Variants in FCER2 observed in about 807,000 individuals in gnomAD.
FCER2 encodes the protein Fc epsilon receptor II.
FCER2 carries 38 observed loss-of-function variants against 49.7 expected under a neutral mutation model. That is an observed-to-expected ratio of 0.76 (90% CI 0.59 to 1.00). The LOEUF is 1.00. Among genes scored for constraint, FCER2 ranks in the 50% least tolerant of loss-of-function variants. FCER2 has a pLI of 0.00. For synonymous variants in FCER2, 163 were observed against 164.6 expected, an observed-to-expected ratio of 0.99 and a Z score of 0.07; for missense variants, 425 against 419.5, an observed-to-expected ratio of 1.01 and a Z score of -0.11.
In FCER2 at chr19:7,698,873, C is replaced by T; in HGVS notation, c.23-19G>A. ...TCGATCTCTGCCGGGGGTGGAGGGA[C>T]TGACTATGGGTGCAGGGTGAAGCTG... On this transcript the variant is annotated intron_variant, in intron 2 of 10. Transcript: ENST00000597921. 6.4e-7 allele frequency: 1 copy of T among 1,566,806 alleles called. No homozygotes were observed. Among genetic ancestry groups the T allele is most frequent in the Non-Finnish European group, 8.6e-7 (1 of 1,159,616 alleles).
At chr19:7,700,002 G>A in intron 1 of FCER2, 157 bp from the exon 2 acceptor site, 1 of 577,842 alleles carries the variant, frequency 1.7e-6, no homozygotes, top group Non-Finnish European at 3.1e-6. Flanking sequence ...AGACACAGCT[G>A]GTGTGGAGAG....
At chr19:7,689,769 G>A (rs1238609637) in intron 10 of FCER2, among the ~76,000 whole-genome samples, 4 of 152,082 alleles carry the variant, frequency 2.6e-5, no homozygotes, top group Admixed American at 1.3e-4. Context: ...ACAGGCGCCC[G>A]CCATCATGAC....
At position 7,694,180 on chromosome 19, in the gene FCER2, C is replaced by G. The variant is rs1394982337; in HGVS notation, c.469+2645G>C. Among the ~76,000 whole-genome samples, 3 of 152,164 alleles carry G rather than the reference C, an allele frequency of 2.0e-5. No homozygotes were observed. The East Asian group carries it at 5.8e-4, about 29-fold the overall frequency. Reference sequence around the variant, plus strand: ...CACCCATGAAATGGTAACCAGTACTCAGCCCTCTGGAGGTGCAGCGTTAAA... The same window carrying G: ...CACCCATGAAATGGTAACCAGTACTGAGCCCTCTGGAGGTGCAGCGTTAAA... On this transcript the variant is annotated intron_variant, in intron 8 of 10. Coordinates refer to ENST00000597921, the MANE Select transcript of FCER2 (RefSeq NM_001220500.2).
intron 8 of FCER2, among the ~76,000 whole-genome samples, chr19:7,693,316 T>C: frequency 6.6e-6 from 1 of 152,122 alleles, no homozygotes; most frequent in East Asian, 1.9e-4. Flanking sequence ...GCCAATGGGA[T>C]TGCAAGACTA....
intron 8 of FCER2, 138 bp from the exon 9 acceptor site, chr19:7,690,695 C>T (rs145960401): frequency 8.4e-4 from 666 of 796,510 alleles, no homozygotes; most frequent in Admixed American, 1.5e-3. Context: ...GCCTAACAGA[C>T]AGCCTCACGG....
chr19:7,698,807 T>C lies in FCER2; in HGVS notation c.70A>G (p.Ile24Val), dbSNP rs1401635789. 2.5e-6 allele frequency: 4 copies of C among 1,612,342 alleles called. No homozygotes were observed. Among genetic ancestry groups the C allele is most frequent in the South Asian group, 2.2e-5 (2 of 90,742 alleles). ...GCGGTCACCAGCCCCAGCAGCACGA[T>C]CTGAGTCCCACGCCTGCAACACCGC... is the stretch of plus-strand genomic sequence containing the variant. ...RRRCCRRGTQ[I>V]VLLGLVTAAL... Residue 24 changes from isoleucine (I) to valine (V), a missense_variant, in exon 3 of 11, where the codon ATC (isoleucine) becomes GTC (valine). By Grantham distance (29) the Ile-to-Val change is conservative. Coordinates refer to ENST00000597921, the MANE Select transcript of FCER2 (RefSeq NM_001220500.2).
intron 2 of FCER2, chr19:7,699,363 C>T: frequency 7.5e-7 from 1 of 1,326,494 alleles, no homozygotes; most frequent in Non-Finnish European, 9.9e-7. Context: ...AAGCCCCTGG[C>T]CCTCTGCACT....
intron 1 of FCER2, among the ~76,000 whole-genome samples, chr19:7,701,363 G>C (rs928339056): frequency 6.6e-6 from 1 of 152,170 alleles, no homozygotes; most frequent in African/African-American, 2.4e-5. Flanking sequence ...CAGCTGGACA[G>C]ACCTGAGTCC....
At chr19:7,692,993 C>A (rs529334621) in intron 8 of FCER2, among the ~76,000 whole-genome samples, 6 of 152,126 alleles carry the variant, frequency 3.9e-5, no homozygotes, top group African/African-American at 1.2e-4. Context: ...ACCAACAAAC[C>A]CCTCCAAGGT....
chr19:7,699,270 C>T (rs2033100045), intron 2 of FCER2: 12 of 623,286 alleles, frequency 1.9e-5, no homozygotes, highest in Admixed American at 5.3e-5. Context: ...ACTCCCCAGC[C>T]ACTTTCCCAG....
chr19:7,699,816 T>C lies in FCER2; in HGVS notation c.-56A>G, dbSNP rs2033115588. On this transcript the variant is annotated 5_prime_UTR_variant, in exon 2 of 11. Transcript: ENST00000597921. The stretch of plus-strand genomic sequence containing the variant: ...GAGCACTCACTCCCTGACAACGCAG[T>C]CCACTCAGCGGGCACAATCACAGCT... 3 of 1,567,178 alleles carry C rather than the reference T, an allele frequency of 1.9e-6. No homozygotes were observed. Among genetic ancestry groups the C allele is most frequent in the Admixed American group, 1.7e-5 (1 of 59,568 alleles).
chr19:7,689,743 T>C (rs62110715), intron 10 of FCER2, among the ~76,000 whole-genome samples: 59,831 of 151,854 alleles, frequency 0.39, 14,368 homozygotes, highest in African/African-American at 0.68. Context: ...CCTCAGCCTC[T>C]CAAATAGCTG....
chr19:7,700,603 C>A (rs989972646), intron 1 of FCER2, among the ~76,000 whole-genome samples: 5 of 152,072 alleles, frequency 3.3e-5, no homozygotes, highest in African/African-American at 1.2e-4. Context: ...CCACCTCCAC[C>A]TCCTGGGTTC....
rs780470543 is a variant in FCER2 at position 7,697,512 on chromosome 19, C to T, written c.253+15G>A. 57 of 1,611,436 alleles carry T rather than the reference C, an allele frequency of 3.5e-5. No individual in the cohort carries two copies. The Admixed American group carries it at 9.3e-4, about 26-fold the overall frequency. On this transcript the variant is annotated intron_variant, in intron 5 of 10. Transcript: ENST00000597921. ...CGCTTTTTCCCCTGCAACCCCAACTCCAGGAGTCACTCACACTGGGATTTC... is the reference window on the plus strand; with the variant it reads ...CGCTTTTTCCCCTGCAACCCCAACTTCAGGAGTCACTCACACTGGGATTTC...
intron 8 of FCER2, among the ~76,000 whole-genome samples, chr19:7,694,200 G>A (rs942003445): frequency 1.9e-4 from 29 of 152,134 alleles, no homozygotes; most frequent in Admixed American, 1.4e-3. Flanking sequence ...GAGGTGCAGC[G>A]TTAAAACAGG....
intron 9 of FCER2, 36 bp downstream of exon 9, chr19:7,690,370 C>A (rs769204272): frequency 1.2e-6 from 2 of 1,608,886 alleles, no homozygotes; most frequent in Admixed American, 1.7e-5. Flanking sequence ...CCACCCTCGC[C>A]ATGCTGCCCA....
Position 7,689,017 on chromosome 19 carries a change from G to T in FCER2, c.*176C>A. 1.7e-6 allele frequency: 1 copy of T among 601,180 alleles called. No homozygotes were observed. Among genetic ancestry groups the T allele is most frequent in the Non-Finnish European group, 3.0e-6 (1 of 336,288 alleles). The allele number at this position is 601,180 out of a possible 1,614,324, so 37.2% of individuals were successfully genotyped here. On this transcript the variant is annotated 3_prime_UTR_variant, in exon 11 of 11. Transcript: ENST00000597921. ...TGTTGGGGGCACTCCCATCTGGAGA[G>T]GGTGCTGTTGGGGTGTACTCCTGGG...
At chr19:7,696,757 C>A (rs1214498366) in intron 8 of FCER2, 68 bp downstream of exon 8, 1 of 1,175,850 alleles carries the variant, frequency 8.5e-7, no homozygotes, top group South Asian at 1.3e-5. Flanking sequence ...CGTGCCGTCA[C>A]ATTTGCCAAC....
Position 7,699,826 on chromosome 19 carries a change from G to T in FCER2, c.-66C>A. On this transcript the variant is annotated 5_prime_UTR_variant, in exon 2 of 11. Coordinates refer to ENST00000597921, the MANE Select transcript of FCER2 (RefSeq NM_001220500.2). ...TCCCTGACAACGCAGTCCACTCAGC[G>T]GGCACAATCACAGCTCTGGCTGATT... The T allele has an allele frequency of 1.3e-6, 2 of 1,484,868 alleles. No homozygotes were observed. The highest frequency in any genetic ancestry group is 1.4e-5 in the African/African-American group (1 of 72,504). 92.0% of individuals were successfully genotyped at this position (1,484,868 alleles called of 1,614,324 possible). A position where few individuals can be genotyped will look rare whatever the true frequency, so the allele number is the denominator to read the frequency against.
Sources: allele counts gnomAD v4.1 joint callset (sites outside exome capture counted in the v4.1 genomes callset), GRCh38; gene constraint gnomAD v4.1.1; transcripts MANE v1.5; gene names NCBI Gene and HGNC (gene_info 2026-07-23, HGNC 2026-07-21).